The following ACTR6 variants were observed in gnomAD, a reference collection of about 807,000 sequenced individuals.
The protein encoded by ACTR6 is actin related protein 6.
In ACTR6, 50 loss-of-function variants were observed where a neutral mutation model predicts 52.5. That is an observed-to-expected ratio of 0.95 (90% CI 0.76 to 1.20). ACTR6 has a LOEUF of 1.20. ACTR6 is among the 50% of genes most tolerant of loss of function. The pLI is 0.00. For missense variants in ACTR6, 344 were observed against 472.4 expected, an observed-to-expected ratio of 0.73 and a Z score of 2.52; for synonymous variants, 135 against 147.2, an observed-to-expected ratio of 0.92 and a Z score of 0.60.
chr12:100,207,626 C>G (rs762901441), intron 3 of ACTR6, 37 bp from the exon 4 acceptor site: 1 of 1,381,254 alleles, frequency 7.2e-7, no homozygotes, highest in Non-Finnish European at 9.7e-7. Context: ...ATTATCATTA[C>G]AAATTATGAA....
intron 1 of ACTR6, among the ~76,000 whole-genome samples, chr12:100,202,106 A>G (rs1005256643): frequency 1.3e-5 from 2 of 151,892 alleles, no homozygotes; most frequent in Non-Finnish European, 2.9e-5. Flanking sequence ...TAAGTTTTGT[A>G]TTTTTAGTAG....
intron 4 of ACTR6, chr12:100,208,967 G>A (rs752734342): frequency 8.8e-6 from 3 of 340,704 alleles, no homozygotes; most frequent in African/African-American, 2.2e-5. Context: ...GGCTGGTCTC[G>A]AACTCCTGGA....
At chr12:100,220,878 T>C (rs2096127598) in intron 10 of ACTR6, among the ~76,000 whole-genome samples, 1 of 152,044 alleles carries the variant, frequency 6.6e-6, no homozygotes, top group Admixed American at 6.6e-5. Flanking sequence ...TCCCAGCTAC[T>C]CAGGAGGCTG....
rs142393863 is a variant in ACTR6 at position 100,219,562 on chromosome 12, G to T, written c.923-446G>T. Among the ~76,000 whole-genome samples, 4 of 152,286 alleles carry T rather than the reference G, an allele frequency of 2.6e-5. No homozygotes were observed. In the East Asian group the frequency reaches 7.7e-4, roughly 29 times the overall value. On this transcript the variant is annotated intron_variant, in intron 9 of 10. Coordinates refer to ENST00000188312, the MANE Select transcript of ACTR6 (RefSeq NM_022496.5). ...GTTTGCCTCAATGAGATAATGTGGAGATTTGGGCTTGTAAGTTCAAATGTC... is the reference window on the plus strand; with the variant it reads ...GTTTGCCTCAATGAGATAATGTGGATATTTGGGCTTGTAAGTTCAAATGTC...
At chr12:100,208,360 C>T (rs1037504741) in intron 4 of ACTR6, among the ~76,000 whole-genome samples, 2 of 151,936 alleles carry the variant, frequency 1.3e-5, no homozygotes, top group African/African-American at 4.8e-5. Context: ...TGCTCACCCT[C>T]CACCTCCTGG....
At chr12:100,209,561 TACA>T (rs1401386454) in intron 4 of ACTR6, among the ~76,000 whole-genome samples, 1 of 152,148 alleles carries the variant, frequency 6.6e-6, no homozygotes, top group African/African-American at 2.4e-5. Flanking sequence ...GAAAGCCCTC[TACA>T]ACAAGGAGTT....
intron 8 of ACTR6, among the ~76,000 whole-genome samples, chr12:100,214,425 CT>C (rs1468007862): frequency 6.6e-6 from 1 of 151,994 alleles, no homozygotes; most frequent in African/African-American, 2.4e-5. Flanking sequence ...TGAAATCATC[CT>C]TTTATGTTCT....
Position 100,223,857 on chromosome 12 carries a change from CAA to C in ACTR6, c.1134_1135del (p.Glu380ArgfsTer8), listed in dbSNP as rs771796895. 8.7e-6 allele frequency: 14 copies of C among 1,611,270 alleles called. No homozygotes were observed. The African/African-American group carries it at 9.4e-5, about 11-fold the overall frequency. ...GATGATTTTGAAGATATGGTGGTAACAAGAGAAGATTACGAAGAAAATGGACA... is the reference window on the plus strand; with the variant it reads ...GATGATTTTGAAGATATGGTGGTAACGAGAAGATTACGAAGAAAATGGACA... On this transcript the variant is annotated frameshift_variant, in exon 11 of 11. Transcript: ENST00000188312. LOFTEE classifies it high-confidence loss of function.
At position 100,223,885 on chromosome 12, in the gene ACTR6, T is replaced by C. The variant is rs1437930436; in HGVS notation, c.1161T>C (p.His387=). 1.9e-6 allele frequency: 3 copies of C among 1,610,290 alleles called. No individual in the cohort carries two copies. The highest frequency in any genetic ancestry group is 1.1e-5 in the South Asian group (1 of 90,014). Residue 387 remains histidine (H), a synonymous_variant, in exon 11 of 11, where the codon CAT becomes CAC. Coordinates refer to ENST00000188312, the MANE Select transcript of ACTR6 (RefSeq NM_022496.5). Reference sequence around the variant, plus strand: ...GAGAAGATTACGAAGAAAATGGACATAGCGTCTGTGAAGAGAAATTTGATA... The same window carrying C: ...GAGAAGATTACGAAGAAAATGGACACAGCGTCTGTGAAGAGAAATTTGATA... ...VTREDYEENG[H]SVCEEKFDI is the part of the protein sequence containing the mutation.
chr12:100,200,984 A>C, intron 1 of ACTR6, 65 bp downstream of exon 1: 1 of 1,611,600 alleles, frequency 6.2e-7, no homozygotes, highest in Non-Finnish European at 8.5e-7. Context: ...GCTACGTTTC[A>C]TCTCCGGACA....
At chr12:100,205,484 A>C (rs985315264) in intron 2 of ACTR6, 192 bp from the exon 3 acceptor site, 7 of 355,686 alleles carry the variant, frequency 2.0e-5, no homozygotes, top group Middle Eastern at 8.4e-4. Context: ...CCAGAATTTA[A>C]AGTATAATAA....
Position 100,210,081 on chromosome 12 carries a change from C to G in ACTR6, c.388C>G (p.Leu130Val), listed in dbSNP as rs2096118571. 1.3e-6 allele frequency: 2 copies of G among 1,584,112 alleles called. No homozygotes were observed. The highest frequency in any genetic ancestry group is 2.7e-5 in the African/African-American group (2 of 72,848). Residue 130 changes from leucine to valine, a missense_variant, in exon 5 of 11, where the codon CTC becomes GTC. By Grantham distance (32) the Leu-to-Val change is conservative. Transcript: ENST00000188312. ...QAVLRVNAGA[L>V]SAHRYFRDNP... ...TATCTTTTTTTAAATAGCTGGGGCT[C>G]TCAGTGCACATAGGTATTTCCGAGA...
chr12:100,223,978 G>T lies in ACTR6; in HGVS notation c.*63G>T. 1 of 1,530,146 alleles carries T rather than the reference G, an allele frequency of 6.5e-7. No individual in the cohort carries two copies. Among genetic ancestry groups the T allele is most frequent in the Non-Finnish European group, 8.8e-7 (1 of 1,139,500 alleles). 94.8% of individuals were successfully genotyped at this position (1,530,146 alleles called of 1,614,324 possible). On this transcript the variant is annotated 3_prime_UTR_variant, in exon 11 of 11. Transcript: ENST00000188312. ...AATTTCAAAGTTCCTTTTAAAAGAG[G>T]TTAAGGAACTGTGTTACCTTTTGTC...
chr12:100,203,168 C>T (rs775525291), intron 1 of ACTR6, among the ~76,000 whole-genome samples: 12 of 152,178 alleles, frequency 7.9e-5, no homozygotes, highest in East Asian at 7.7e-4. Context: ...CCTTCCCCAC[C>T]CTGGTGCTCA....
rs1050312790 is a variant in ACTR6 at position 100,210,456 on chromosome 12, C to T, written c.572+105C>T. 77 of 1,226,614 alleles carry T rather than the reference C, an allele frequency of 6.3e-5. No individual in the cohort carries two copies. In the Middle Eastern group the frequency reaches 7.2e-4, roughly 12 times the overall value. 76.0% of individuals were successfully genotyped at this position (1,226,614 alleles called of 1,614,324 possible). ...TTTTAAGGCCAGTCATTGTGACTCA[C>T]GCCTGTAATCCCAGCACATTGGGAG... On this transcript the variant is annotated intron_variant, in intron 6 of 10. Coordinates refer to ENST00000188312, the MANE Select transcript of ACTR6 (RefSeq NM_022496.5).
rs563553340 is a variant in ACTR6 at position 100,219,160 on chromosome 12, TA to T, written c.922+593del. Among the ~76,000 whole-genome samples the T allele has an allele frequency of 7.9e-3, 935 of 117,882 alleles. 12 individuals are homozygous for T. The highest frequency in any genetic ancestry group is 0.048 in the East Asian group (203 of 4,200). The allele number at this position is 117,882 out of a possible 152,430, so 77.3% of individuals were successfully genotyped here. On this transcript the variant is annotated intron_variant, in intron 9 of 10. Coordinates refer to ENST00000188312, the MANE Select transcript of ACTR6 (RefSeq NM_022496.5). Reference sequence around the variant, plus strand: ...CACAGGCCATGTGCTTTCCTCTCATTAAAAAAAAAAAAAAAAAAAGAAAAAC... The same window carrying T: ...CACAGGCCATGTGCTTTCCTCTCATTAAAAAAAAAAAAAAAAAAGAAAAAC...
At chr12:100,221,875 C>G (rs934479966) in intron 10 of ACTR6, 2 of 152,072 alleles carry the variant, frequency 1.3e-5, no homozygotes, top group Non-Finnish European at 2.9e-5. Context: ...TTCACCCAAG[C>G]TGGCCTCCAA....
intron 3 of ACTR6, among the ~76,000 whole-genome samples, chr12:100,206,600 C>T (rs984142919): frequency 5.9e-5 from 9 of 151,932 alleles, no homozygotes; most frequent in East Asian, 1.9e-4. Flanking sequence ...TCAAGCAATC[C>T]GCCCAAGCGT....
At chr12:100,215,147 G>A (rs1488189019) in intron 8 of ACTR6, among the ~76,000 whole-genome samples, 2 of 152,110 alleles carry the variant, frequency 1.3e-5, no homozygotes, top group Non-Finnish European at 2.9e-5. Flanking sequence ...ATCTCTTGGG[G>A]CACTTGAAAA....
Sources: allele counts gnomAD v4.1 joint callset (sites outside exome capture counted in the v4.1 genomes callset), GRCh38; gene constraint gnomAD v4.1.1; transcripts MANE v1.5; gene names NCBI Gene and HGNC (gene_info 2026-07-23, HGNC 2026-07-21).